WIPF3: variants seen among roughly 807,000 people sequenced by gnomAD.
WIPF3 encodes WAS/WASL interacting protein family member 3, also known as WAS/WASL-interacting protein family member 3.
A neutral mutation model predicts 38.9 loss-of-function variants in WIPF3; 33 were observed. The ratio of observed to expected loss-of-function variants is 0.85; its 90% CI spans 0.64 to 1.14. The LOEUF (loss-of-function observed/expected upper bound fraction) is 1.14, where lower values mean the gene tolerates loss of function less well. WIPF3 is among the 50% of genes most tolerant of loss of function. The pLI is 0.00. For missense variants in WIPF3, 711 were observed against 652.5 expected (o/e 1.09, Z -0.98); for synonymous variants, 324 against 269.3 (o/e 1.20, Z -1.99).
chr7:29,815,747 T>G (rs1268620737), intron 1 of WIPF3, among the ~76,000 whole-genome samples: 1 of 152,210 alleles, frequency 6.6e-6, no homozygotes, highest in Non-Finnish European at 1.5e-5. Context: ...TTAAAACCAT[T>G]CCTTGTTGTG....
At chr7:29,909,445 A>G (rs1349148295) in intron 8 of WIPF3, among the ~76,000 whole-genome samples, 11 of 152,244 alleles carry the variant, frequency 7.2e-5, no homozygotes, top group Non-Finnish European at 2.9e-5. Context: ...AACTGCTAAA[A>G]TCAGAAATGA....
chr7:29,850,752 G>A (rs1398012292), intron 2 of WIPF3, among the ~76,000 whole-genome samples: 1 of 152,156 alleles, frequency 6.6e-6, no homozygotes, highest in Non-Finnish European at 1.5e-5. Flanking sequence ...GGGCCAGAGA[G>A]CACCATGCCC....
intron 8 of WIPF3, among the ~76,000 whole-genome samples, chr7:29,913,838 C>T (rs2072178): frequency 0.14 from 20,906 of 152,266 alleles, 1,513 homozygotes; most frequent in African/African-American, 0.16. Flanking sequence ...ACGTGTCACA[C>T]ACTGTGCAGG....
At chr7:29,808,072 G>A (rs1290095311) in intron 1 of WIPF3, among the ~76,000 whole-genome samples, 1 of 152,200 alleles carries the variant, frequency 6.6e-6, no homozygotes. Flanking sequence ...AGGCTTCTGG[G>A]ATGCTAGAAA....
chr7:29,856,216 C>A (rs117777931), intron 2 of WIPF3, among the ~76,000 whole-genome samples: 75 of 152,192 alleles, frequency 4.9e-4, no homozygotes, highest in Non-Finnish European at 5.6e-4. Context: ...CCTTTGTATT[C>A]TATTCCCTAT....
intron 7 of WIPF3, among the ~76,000 whole-genome samples, chr7:29,894,227 T>C (rs977179197): frequency 2.0e-5 from 3 of 152,138 alleles, no homozygotes; most frequent in Non-Finnish European, 4.4e-5. Context: ...CTAGCTGCAT[T>C]TTATGTCCGT....
intron 8 of WIPF3, among the ~76,000 whole-genome samples, chr7:29,909,291 A>C (rs1278748190): frequency 1.3e-5 from 2 of 152,134 alleles, no homozygotes; most frequent in African/African-American, 4.8e-5. Flanking sequence ...AAGGAAATGA[A>C]GAAAATTAAA....
In WIPF3 at chr7:29,887,539, G is replaced by A. The variant is rs141621264; in HGVS notation, c.1100-529G>A. On this transcript the variant is annotated intron_variant, in intron 5 of 8. Coordinates refer to ENST00000242140, the MANE Select transcript of WIPF3 (RefSeq NM_001080529.3). ...AGGGCACGTAAGATTTAGGTGGACC[G>A]GAAAGAGAAACAAGCATTTGCAGTG... Among the ~76,000 whole-genome samples the A allele has an allele frequency of 8.5e-5, 13 of 152,288 alleles. No homozygotes were observed. The East Asian group carries it at 1.7e-3, about 20-fold the overall frequency.
intron 2 of WIPF3, among the ~76,000 whole-genome samples, chr7:29,836,995 C>T (rs907199997): frequency 1.5e-4 from 22 of 144,688 alleles, no homozygotes; most frequent in African/African-American, 5.1e-4. Context: ...TGTCTCAAAA[C>T]AAAAACAAAA....
rs1785788672 is a variant in WIPF3, at chr7:29,884,079, C to T, written c.585C>T (p.Pro195=). Residue 195 remains proline, a synonymous_variant, in exon 5 of 9, where the codon CCC becomes CCT. Transcript: ENST00000242140. ...PLPPPLPSSS[P]IKTPLVSPPG... ...CCCCGCCCCTTCCCTCTTCCTCCCC[C>T]ATCAAAACTCCGCTTGTGTCCCCAC... 4 of 1,479,754 alleles carry T rather than the reference C, an allele frequency of 2.7e-6. No individual in the cohort carries two copies. The highest frequency in any genetic ancestry group is 3.6e-6 in the Non-Finnish European group (4 of 1,109,208). 91.7% of individuals were successfully genotyped at this position (1,479,754 alleles called of 1,614,324 possible).
intron 8 of WIPF3, among the ~76,000 whole-genome samples, chr7:29,909,228 A>G (rs10255625): frequency 0.032 from 4,845 of 152,260 alleles, 96 homozygotes; most frequent in Middle Eastern, 0.1. Flanking sequence ...TAATTTTACA[A>G]TGTAAAGAGC....
In WIPF3 at chr7:29,916,176, C is replaced by G. The variant is rs942682115; in HGVS notation, c.*1660C>G. 1 of 152,192 alleles carries G rather than the reference C, an allele frequency of 6.6e-6. No individual in the cohort carries two copies. Among genetic ancestry groups the G allele is most frequent in the South Asian group, 2.1e-4 (1 of 4,826 alleles). The allele number at this position is 152,192 out of a possible 1,614,324, so 9.4% of individuals were successfully genotyped here. ...AGTAGAAGTTTTTGCAGGTCATCAGCTCTGGGCATAACTAATTTGTTTTAT... is the reference window on the plus strand; with the variant it reads ...AGTAGAAGTTTTTGCAGGTCATCAGGTCTGGGCATAACTAATTTGTTTTAT... On this transcript the variant is annotated 3_prime_UTR_variant, in exon 9 of 9. Transcript: ENST00000242140.
chr7:29,836,973 AGAGT>A (rs1467734331), intron 2 of WIPF3, among the ~76,000 whole-genome samples: 1 of 152,072 alleles, frequency 6.6e-6, no homozygotes, highest in Admixed American at 6.5e-5. Flanking sequence ...CCTGGGTGAC[AGAGT>A]GAGACTCTGT....
At chr7:29,868,380 G>A (rs1418165076) in intron 2 of WIPF3, among the ~76,000 whole-genome samples, 3 of 152,162 alleles carry the variant, frequency 2.0e-5, no homozygotes, top group East Asian at 3.9e-4. Context: ...GAGATTAGTG[G>A]GCCATTGAAG....
Position 29,867,871 on chromosome 7 carries a change from G to A in WIPF3, c.91-7959G>A, listed in dbSNP as rs560848262. Among the ~76,000 whole-genome samples, 18 of 152,258 alleles carry A rather than the reference G, an allele frequency of 1.2e-4. No homozygotes were observed. The South Asian group carries it at 2.1e-3, about 18-fold the overall frequency. On this transcript the variant is annotated intron_variant, in intron 2 of 8. Coordinates refer to ENST00000242140, the MANE Select transcript of WIPF3 (RefSeq NM_001080529.3). Reference sequence around the variant, plus strand: ...GATAAATGTCAGGGGAGGCAGAGTCGAAGATCCAGGGACTAAGGTTTCTAT... The same window carrying A: ...GATAAATGTCAGGGGAGGCAGAGTCAAAGATCCAGGGACTAAGGTTTCTAT...
At chr7:29,848,224 A>G (rs1785033600) in intron 2 of WIPF3, among the ~76,000 whole-genome samples, 1 of 152,216 alleles carries the variant, frequency 6.6e-6, no homozygotes, top group Non-Finnish European at 1.5e-5. Flanking sequence ...AGCTAGCAAC[A>G]AATACACGAA....
At chr7:29,859,833 C>T (rs1386726250) in intron 2 of WIPF3, among the ~76,000 whole-genome samples, 1 of 152,136 alleles carries the variant, frequency 6.6e-6, no homozygotes, top group Admixed American at 6.5e-5. Flanking sequence ...ATAATTAATT[C>T]TGACTCAGAT....
rs1785928670 is a variant in WIPF3 at position 29,888,337 on chromosome 7, A to G, written c.1249+120A>G. On this transcript the variant is annotated intron_variant, in intron 6 of 8. Transcript: ENST00000242140. The stretch of plus-strand genomic sequence containing the variant: ...TCTCAGGGTGCATGCTTCTTTCATG[A>G]ACAGGGGCTCACTCCAGCACCAACC... 3.8e-6 allele frequency: 5 copies of G among 1,311,442 alleles called. No homozygotes were observed. The Admixed American group carries it at 1.2e-4, about 31-fold the overall frequency. 81.2% of individuals were successfully genotyped at this position (1,311,442 alleles called of 1,614,324 possible).
intron 2 of WIPF3, among the ~76,000 whole-genome samples, chr7:29,869,029 T>C (rs113323229): frequency 0.013 from 1,929 of 151,920 alleles, 35 homozygotes; most frequent in African/African-American, 0.035. Flanking sequence ...CCCCACTCTT[T>C]TTTTTTTTTC....
Sources: gnomAD v4.1 joint callset for allele counts (sites outside exome capture counted in the v4.1 genomes callset) on GRCh38, gnomAD v4.1.1 for gene constraint, MANE v1.5 for transcripts, NCBI Gene and HGNC (gene_info 2026-07-23, HGNC 2026-07-21) for gene names.